AFF2: variants seen among roughly 807,000 people sequenced by gnomAD.
The protein encoded by AFF2 is ALF transcription elongation factor 2.
In AFF2, 14 loss-of-function variants were observed where a neutral mutation model predicts 76.9. The ratio of observed to expected loss-of-function variants is 0.18; its 90% CI spans 0.12 to 0.28. The LOEUF (loss-of-function observed/expected upper bound fraction) is 0.28, where lower values mean the gene tolerates loss of function less well. AFF2 is among the 10% of genes least tolerant of loss of function. The pLI is 1.00. For synonymous variants in AFF2, 398 were observed against 366.7 expected (o/e 1.09, Z -0.98); for missense variants, 868 against 1,001.1 (o/e 0.87, Z 1.79).
At chrX:148,859,975 G>A (rs2070828903) in intron 7 of AFF2, among the ~76,000 whole-genome samples, 1 of 111,353 alleles carries the variant, frequency 9.0e-6, no homozygotes, top group African/African-American at 3.3e-5. Context: ...GCACTTTCCA[G>A]TAACAAATCT....
intron 20 of AFF2, among the ~76,000 whole-genome samples, chrX:148,988,215 T>C (rs782126088): frequency 8.9e-6 from 1 of 112,207 alleles, no homozygotes; most frequent in African/African-American, 3.2e-5. Context: ...CTCACTACCC[T>C]AATGAAGGTG....
chrX:148,650,034 C>T (rs1378356011), intron 1 of AFF2, among the ~76,000 whole-genome samples: 3 of 111,479 alleles, frequency 2.7e-5, no homozygotes, highest in African/African-American at 9.8e-5. Context: ...AAGTGTCCTT[C>T]TCCTTTGCAA....
chrX:148,712,226 A>G (rs920321525), intron 3 of AFF2, among the ~76,000 whole-genome samples: 2 of 111,952 alleles, frequency 1.8e-5, no homozygotes, highest in African/African-American at 6.5e-5. Context: ...ATTTGGAAGT[A>G]TAGAATCTAT....
chrX:148,747,298 C>G (rs975457498), intron 3 of AFF2, among the ~76,000 whole-genome samples: 2 of 111,457 alleles, frequency 1.8e-5, no homozygotes, highest in Admixed American at 1.9e-4. Context: ...ACCATTGTAT[C>G]TCAAAGTTCA....
intron 7 of AFF2, among the ~76,000 whole-genome samples, chrX:148,859,638 GA>G (rs1226021313): frequency 1.1e-3 from 118 of 109,888 alleles, no homozygotes; most frequent in African/African-American, 3.1e-3. Context: ...TTTTTATGAA[GA>G]ATAAAATAAA....
chrX:148,635,229 T>C (rs1318497122), intron 1 of AFF2, among the ~76,000 whole-genome samples: 1 of 110,463 alleles, frequency 9.1e-6, no homozygotes, highest in Non-Finnish European at 1.9e-5. Flanking sequence ...GGCAGAAGGG[T>C]CAGAGTGAGA....
chrX:148,619,385 G>A (rs782806976), intron 1 of AFF2, among the ~76,000 whole-genome samples: 1 of 111,859 alleles, frequency 8.9e-6, no homozygotes, highest in South Asian at 3.7e-4. Flanking sequence ...TGAGCCCAGA[G>A]GTTGCATTAT....
intron 4 of AFF2, among the ~76,000 whole-genome samples, chrX:148,835,128 A>G (rs782576927): frequency 1.3e-4 from 14 of 111,794 alleles, no homozygotes; most frequent in Admixed American, 1.9e-4. Flanking sequence ...CCTAGGGGAA[A>G]AGGTACACTT....
At chrX:148,581,171 A>ATATACG (rs1569551608) in intron 1 of AFF2, among the ~76,000 whole-genome samples, 10 of 63,744 alleles carry the variant, frequency 1.6e-4, no homozygotes, top group African/African-American at 6.0e-4. Context: ...ACACACATAC[A>ATATACG]TATACGTATA....
rs1183316136 is a variant in AFF2, at chrX:148,991,109, T to G, written c.3815-102T>G. ...ATGGACAAATGAATCACATTTCCAT[T>G]GTCCATGTGGTTGTGGTGTTGTGTG... On this transcript the variant is annotated intron_variant, in intron 20 of 20. Transcript: ENST00000370460. 1.0e-5 allele frequency: 9 copies of G among 867,585 alleles called. No homozygotes were observed. The African/African-American group carries it at 1.6e-4, about 16-fold the overall frequency. 71.5% of individuals were successfully genotyped at this position (867,585 alleles called of 1,213,427 possible). A position where few individuals can be genotyped will look rare whatever the true frequency, so the allele number is the denominator to read the frequency against.
In AFF2 at chrX:148,599,250, A is replaced by G. The variant is rs191615438; in HGVS notation, c.48-52749A>G. ...ATATAAAAGCATCCTTCAATTTCTT[A>G]TATTATGTTTTTAAAGTAAGTCAGT... On this transcript the variant is annotated intron_variant, in intron 1 of 20. Coordinates refer to ENST00000370460, the MANE Select transcript of AFF2 (RefSeq NM_002025.4). Among the ~76,000 whole-genome samples the G allele has an allele frequency of 1.3e-4, 15 of 112,600 alleles. No homozygotes were observed. In the Admixed American group the frequency reaches 1.4e-3, roughly 11 times the overall value.
intron 1 of AFF2, among the ~76,000 whole-genome samples, chrX:148,576,852 A>C (rs186318360): frequency 9.1e-6 from 1 of 109,987 alleles, no homozygotes; most frequent in Non-Finnish European, 1.9e-5. Context: ...TTCATAATAC[A>C]ATTATTTTTA....
At chrX:148,807,721 T>C (rs1479381455) in intron 3 of AFF2, among the ~76,000 whole-genome samples, 1 of 112,799 alleles carries the variant, frequency 8.9e-6, no homozygotes, top group Non-Finnish European at 1.9e-5. Context: ...ACAATGATAT[T>C]GAAGATTTAA....
rs1327533606 is a variant in AFF2 at position 148,793,529 on chromosome X, A to G, written c.1042-16347A>G. Among the ~76,000 whole-genome samples, 7 of 111,919 alleles carry G rather than the reference A, an allele frequency of 6.3e-5. 1 individual carries two copies. Among genetic ancestry groups the G allele is most frequent in the African/African-American group, 2.3e-4 (7 of 30,861 alleles). On this transcript the variant is annotated intron_variant, in intron 3 of 20. Transcript: ENST00000370460. ...TCCACCCCTGCTGCTTCCCAAGAGAATACAGAAGAGACTTTGTAGGACTTC... is the reference window on the plus strand; with the variant it reads ...TCCACCCCTGCTGCTTCCCAAGAGAGTACAGAAGAGACTTTGTAGGACTTC...
intron 1 of AFF2, among the ~76,000 whole-genome samples, chrX:148,556,899 G>C (rs1557239771): frequency 8.9e-6 from 1 of 112,001 alleles, no homozygotes; most frequent in Non-Finnish European, 1.9e-5. Context: ...TCTGTGGCTG[G>C]TTCTTTTTTA....
At chrX:148,608,970 C>G (rs1184538763) in intron 1 of AFF2, among the ~76,000 whole-genome samples, 2 of 111,557 alleles carry the variant, frequency 1.8e-5, no homozygotes, top group African/African-American at 6.5e-5. Context: ...CATTTGAATT[C>G]TTTTATAAGA....
chrX:148,671,594 C>T (rs2054424069), intron 3 of AFF2, among the ~76,000 whole-genome samples: 1 of 110,957 alleles, frequency 9.0e-6, no homozygotes, highest in Non-Finnish European at 1.9e-5. Flanking sequence ...CCATTATCTC[C>T]CCCACCCATA....
At chrX:148,893,206 G>A (rs1369728341) in intron 8 of AFF2, among the ~76,000 whole-genome samples, 4 of 111,777 alleles carry the variant, frequency 3.6e-5, no homozygotes, top group African/African-American at 1.3e-4. Context: ...AACATATAAG[G>A]TTAATAGAAT....
rs1199198325 is a variant in AFF2, at chrX:148,996,450, A to G, written c.*5118A>G. 1 of 112,762 alleles carries G rather than the reference A, an allele frequency of 8.9e-6. No individual in the cohort carries two copies. Among genetic ancestry groups the G allele is most frequent in the Non-Finnish European group, 1.9e-5 (1 of 53,381 alleles). The allele number at this position is 112,762 out of a possible 1,213,427, so 9.3% of individuals were successfully genotyped here. A position where few individuals can be genotyped will look rare whatever the true frequency, so the allele number is the denominator to read the frequency against. On this transcript the variant is annotated 3_prime_UTR_variant, in exon 21 of 21. Transcript: ENST00000370460. ...TCACTGAACACATGGTTGGAAAGAG[A>G]TGCACGCAGTTGGCTCTTGCAAGCC...
Sources: allele counts gnomAD v4.1 joint callset (sites outside exome capture counted in the v4.1 genomes callset), GRCh38; gene constraint gnomAD v4.1.1; transcripts MANE v1.5; gene names NCBI Gene and HGNC (gene_info 2026-07-23, HGNC 2026-07-21).